Variants in GNG7 observed in about 807,000 individuals in gnomAD.
GNG7 encodes G protein subunit gamma 7.
Under a neutral mutation model 4.0 loss-of-function variants are expected in GNG7, and 1 was observed. That is an observed-to-expected ratio of 0.25 (90% confidence interval 0.09 to 1.18). The LOEUF is 1.18. Ranked by LOEUF, GNG7 falls within the 50% of genes most tolerant of loss-of-function variation. GNG7 has a pLI of 0.50. For missense variants in GNG7, 86 were observed against 91.9 expected, an observed-to-expected ratio of 0.94 and a Z score of 0.26; for synonymous variants, 34 against 36.9, an observed-to-expected ratio of 0.92 and a Z score of 0.29.
At chr19:2,664,264 C>T (rs1031123663) in intron 1 of GNG7, among the ~76,000 whole-genome samples, 3 of 152,228 alleles carry the variant, frequency 2.0e-5, no homozygotes, top group Admixed American at 6.5e-5. Flanking sequence ...TTTGTGCCAT[C>T]GCTGAAGTTG....
intron 2 of GNG7, chr19:2,643,603 G>A (rs1982579774): frequency 4.7e-6 from 2 of 424,408 alleles, no homozygotes; most frequent in Non-Finnish European, 4.7e-6. Context: ...CGGCTCCGTC[G>A]GCACCGGAAA....
intron 1 of GNG7, among the ~76,000 whole-genome samples, chr19:2,685,180 G>C (rs1342201650): frequency 1.3e-5 from 2 of 151,938 alleles, no homozygotes; most frequent in Non-Finnish European, 2.9e-5. Flanking sequence ...CCAGGGGCTG[G>C]GGAGGGGGCT....
intron 3 of GNG7, chr19:2,538,677 T>A (rs912166333): frequency 6.5e-6 from 3 of 459,828 alleles, no homozygotes; most frequent in Non-Finnish European, 1.3e-5. Context: ...CTTACAAGGT[T>A]CACTACTCTA....
intron 1 of GNG7, among the ~76,000 whole-genome samples, chr19:2,665,228 C>T (rs1260103526): frequency 6.6e-6 from 1 of 152,136 alleles, no homozygotes; most frequent in Non-Finnish European, 1.5e-5. Flanking sequence ...GGGGCTGTAC[C>T]ATTCTCTGGG....
In GNG7 at chr19:2,557,784, ACCAGGGAACCACAGCTC is replaced by A. The variant is rs1979612135; in HGVS notation, c.-77-2613_-77-2597del. On this transcript the variant is annotated intron_variant, in intron 2 of 4. Transcript: ENST00000382159. This position sits in a 1 kb window ranked among gnomAD's most constrained non-coding sequence, Gnocchi z 5.1. ...ACCCTGCCCCAGGCCATGGTCCTTG[ACCAGGGAACCACAGCTC>A]CTTATTCTGATGGGGTGACTCGGTG... Among the ~76,000 whole-genome samples the A allele has an allele frequency of 6.6e-6, 1 of 152,150 alleles. No individual in the cohort carries two copies. The highest frequency in any genetic ancestry group is 1.5e-5 in the Non-Finnish European group (1 of 68,024).
At chr19:2,531,595 C>A (rs941100704) in intron 3 of GNG7, among the ~76,000 whole-genome samples, 3 of 151,854 alleles carry the variant, frequency 2.0e-5, no homozygotes, top group Non-Finnish European at 2.9e-5. Flanking sequence ...CATGGTGAAA[C>A]CCCGTCTCTA....
chr19:2,567,139 A>C (rs1241299474), intron 2 of GNG7, among the ~76,000 whole-genome samples: 1 of 141,558 alleles, frequency 7.1e-6, no homozygotes, highest in African/African-American at 2.9e-5. Context: ...AAACAAAAAA[A>C]AAACAAAAAA....
chr19:2,655,897 G>T (rs555796593), intron 1 of GNG7, among the ~76,000 whole-genome samples: 1 of 148,132 alleles, frequency 6.8e-6, no homozygotes, highest in East Asian at 1.9e-4. Context: ...GTGGTGGTGG[G>T]CACCTGTAAT....
intron 2 of GNG7, chr19:2,641,807 G>A (rs1982515218): frequency 6.7e-6 from 1 of 149,476 alleles, no homozygotes; most frequent in African/African-American, 2.5e-5. Flanking sequence ...GACTACAGAT[G>A]CACACCACCA....
chr19:2,602,951 CTTTT>C (rs1475381940), intron 2 of GNG7, among the ~76,000 whole-genome samples: 3 of 146,414 alleles, frequency 2.0e-5, no homozygotes, highest in Non-Finnish European at 3.0e-5. Context: ...TCCTTTCTTT[CTTTT>C]CTTTCTCTTT....
intron 3 of GNG7, among the ~76,000 whole-genome samples, chr19:2,522,252 G>A (rs958905957): frequency 5.3e-5 from 8 of 152,108 alleles, no homozygotes; most frequent in East Asian, 3.9e-4. Flanking sequence ...AACCTGCTTC[G>A]TAGGACCCAG....
In GNG7 at chr19:2,609,485, G is replaced by A. The variant is rs895888919; in HGVS notation, c.-78+36739C>T. Among the ~76,000 whole-genome samples, 4 of 152,226 alleles carry A rather than the reference G, an allele frequency of 2.6e-5. No homozygotes were observed. Among genetic ancestry groups the A allele is most frequent in the South Asian group, 4.1e-4 (2 of 4,832 alleles). On this transcript the variant is annotated intron_variant, in intron 2 of 4. Coordinates refer to ENST00000382159, the MANE Select transcript of GNG7 (RefSeq NM_052847.3). This position sits in a 1 kb window ranked among gnomAD's most constrained non-coding sequence, Gnocchi z 4.4. ...TCCGGGTAACAACTGCAGTTTAGCC[G>A]CTCACTTGCTGGAGGACCTCAGGCT... is the stretch of plus-strand genomic sequence containing the variant.
chr19:2,624,823 C>T (rs1232900529), intron 2 of GNG7, among the ~76,000 whole-genome samples: 1 of 152,226 alleles, frequency 6.6e-6, no homozygotes, highest in Non-Finnish European at 1.5e-5. Flanking sequence ...GCCCGAGCCC[C>T]TCCAGCCCAT....
At chr19:2,523,758 C>T (rs1415166356) in intron 3 of GNG7, among the ~76,000 whole-genome samples, 1 of 152,146 alleles carries the variant, frequency 6.6e-6, no homozygotes, top group African/African-American at 2.4e-5. Flanking sequence ...CGGGGAATGA[C>T]ACACAGAATT....
chr19:2,598,933 G>A (rs935082060), intron 2 of GNG7, among the ~76,000 whole-genome samples: 1 of 152,164 alleles, frequency 6.6e-6, no homozygotes, highest in African/African-American at 2.4e-5. Flanking sequence ...CTCACCTCAA[G>A]CTGGAAAGAA....
chr19:2,521,091 TAA>T (rs5826770), intron 3 of GNG7, among the ~76,000 whole-genome samples: 81,456 of 141,530 alleles, frequency 0.58, 23,225 homozygotes, highest in Non-Finnish European at 0.59. Flanking sequence ...TCATCGTTAC[TAA>T]AAAAAAAAAA....
intron 2 of GNG7, among the ~76,000 whole-genome samples, chr19:2,604,838 C>T (rs982743573): frequency 6.6e-6 from 1 of 152,246 alleles, no homozygotes; most frequent in Middle Eastern, 3.4e-3. Context: ...AATCCAGTGG[C>T]GGCTTCCCCT....
At chr19:2,537,363 G>A (rs1467437896) in intron 3 of GNG7, among the ~76,000 whole-genome samples, 2 of 150,140 alleles carry the variant, frequency 1.3e-5, no homozygotes, top group Non-Finnish European at 3.0e-5. Context: ...CTCCTGCCTG[G>A]GCCTCCTGAG....
At chr19:2,580,451 C>T (rs188351371) in intron 2 of GNG7, among the ~76,000 whole-genome samples, 39 of 149,104 alleles carry the variant, frequency 2.6e-4, no homozygotes, top group Admixed American at 1.1e-3. Flanking sequence ...CCACCATGTC[C>T]GGCTAATTTT....
Sources: allele counts gnomAD v4.1 joint callset (sites outside exome capture counted in the v4.1 genomes callset), GRCh38; gene constraint gnomAD v4.1.1; non-coding constraint Gnocchi (gnomAD v3.1); transcripts MANE v1.5; gene names NCBI Gene and HGNC (gene_info 2026-07-23, HGNC 2026-07-21).